Variants in NUDT14 observed in about 807,000 individuals in gnomAD.
The protein encoded by NUDT14 is nudix hydrolase 14.
Under a neutral mutation model 17.5 loss-of-function variants are expected in NUDT14, and 22 were observed. That is an observed-to-expected ratio of 1.26 (90% CI 0.90 to 1.80). The LOEUF (loss-of-function observed/expected upper bound fraction) is 1.80, where lower values mean the gene tolerates loss of function less well. Ranked by LOEUF, NUDT14 falls within the 40% of genes most tolerant of loss-of-function variation. The probability of loss-of-function intolerance (pLI) is 0.00; values close to 1 mark genes in which losing one functional copy is unlikely to be tolerated. For missense variants in NUDT14, 296 were observed against 295.6 expected, an observed-to-expected ratio of 1.00 and a Z score of -0.01; for synonymous variants, 129 against 125.8, an observed-to-expected ratio of 1.03 and a Z score of -0.17.
intron 1 of NUDT14, among the ~76,000 whole-genome samples, chr14:105,178,007 G>A (rs1261259242): frequency 6.6e-6 from 1 of 152,158 alleles, no homozygotes; most frequent in Non-Finnish European, 1.5e-5. Context: ...ATGAAACACT[G>A]CCCAGCACAG....
chr14:105,179,122 G>A (rs1595201705), intron 1 of NUDT14, among the ~76,000 whole-genome samples: 3 of 152,302 alleles, frequency 2.0e-5, no homozygotes, highest in South Asian at 2.1e-4. Context: ...CCCCATGCAG[G>A]TCTCAAGGAC....
chr14:105,179,662 G>T (rs1018384397), intron 1 of NUDT14, among the ~76,000 whole-genome samples: 3 of 152,216 alleles, frequency 2.0e-5, no homozygotes, highest in South Asian at 2.1e-4. Context: ...CATCCCATAT[G>T]GCCAACGTCA....
chr14:105,181,142 A>G lies in NUDT14; in HGVS notation c.68T>C (p.Leu23Pro), dbSNP rs587735173. The change falls in exon 1 of 5, where the codon CTG becomes CCG. Residue 23 changes from leucine (L) to proline (P), a missense_variant. By Grantham distance (98) the Leu-to-Pro change is moderately conservative (BLOSUM62 -3). Coordinates refer to ENST00000392568, the MANE Select transcript of NUDT14 (RefSeq NM_177533.5). The surrounding 1 kb of genome is among the most constrained non-coding windows in gnomAD (Gnocchi z 5.0). Reference protein sequence around the residue: ...AASPYLRPLTLHYRQNGAQKS... With the variant: ...AASPYLRPLTPHYRQNGAQKS... ...GCGCGGGCTCACCTGGCGGTAATGC[A>G]GCGTGAGCGGCCGCAGGTAGGGTGA... 667 of 1,137,426 alleles carry G rather than the reference A, an allele frequency of 5.9e-4. 13 individuals carry two copies. In the South Asian group the frequency reaches 0.016, roughly 27 times the overall value. The allele number at this position is 1,137,426 out of a possible 1,614,324, so 70.5% of individuals were successfully genotyped here. A position where few individuals can be genotyped will look rare whatever the true frequency, so the allele number is the denominator to read the frequency against.
intron 2 of NUDT14, among the ~76,000 whole-genome samples, 169 bp downstream of exon 2, chr14:105,177,523 A>G (rs1354614053): frequency 6.6e-6 from 1 of 152,088 alleles, no homozygotes; most frequent in Non-Finnish European, 1.5e-5. Context: ...CCTCAGGCTG[A>G]CCCCTCAGGG....
Position 105,173,370 on chromosome 14 carries a change from C to T in NUDT14, c.429-109G>A, listed in dbSNP as rs1204237203. ...TCTCCACTCTGCTCCCTCCAGCCCT[C>T]CAGTAGGCAGGACTCTGGGATGCCC... On this transcript the variant is annotated intron_variant, in intron 4 of 4. Transcript: ENST00000392568. This position sits in a 1 kb window ranked among gnomAD's most constrained non-coding sequence, Gnocchi z 4.7. 7.9e-7 allele frequency: 1 copy of T among 1,271,744 alleles called. No homozygotes were observed. 78.8% of individuals were successfully genotyped at this position (1,271,744 alleles called of 1,614,324 possible). A position where few individuals can be genotyped will look rare whatever the true frequency, so the allele number is the denominator to read the frequency against.
At chr14:105,175,889 G>A (rs758886183) in intron 4 of NUDT14, 130 of 1,179,118 alleles carry the variant, frequency 1.1e-4, no homozygotes, top group Non-Finnish European at 1.3e-4. Context: ...TCTGGAGGAG[G>A]CTGTGGAGGC....
In NUDT14 at chr14:105,181,111, G is replaced by C; in HGVS notation, c.81+18C>G. On this transcript the variant is annotated intron_variant, in intron 1 of 4. Coordinates refer to ENST00000392568, the MANE Select transcript of NUDT14 (RefSeq NM_177533.5). The surrounding 1 kb of genome is among the most constrained non-coding windows in gnomAD (Gnocchi z 5.0). ...GGCCGCCGGCGGGGGCGCGGGGGAC[G>C]CGGGGGCGCGGGCTCACCTGGCGGT... 1 of 978,954 alleles carries C rather than the reference G, an allele frequency of 1.0e-6. No individual in the cohort carries two copies. Among genetic ancestry groups the C allele is most frequent in the African/African-American group, 1.8e-5 (1 of 56,736 alleles). 60.6% of individuals were successfully genotyped at this position (978,954 alleles called of 1,614,324 possible).
intron 4 of NUDT14, chr14:105,176,040 C>T (rs370839024): frequency 1.6e-6 from 2 of 1,213,294 alleles, no homozygotes; most frequent in Non-Finnish European, 2.1e-6. Flanking sequence ...AAGGCAACCC[C>T]ACCCCAGCTG....
intron 4 of NUDT14, among the ~76,000 whole-genome samples, chr14:105,174,313 G>A (rs766620105): frequency 2.0e-5 from 3 of 152,082 alleles, no homozygotes; most frequent in Non-Finnish European, 4.4e-5. Flanking sequence ...AGGAGGGGGA[G>A]GGCCAGGTGT....
At position 105,173,040 on chromosome 14, in the gene NUDT14, G is replaced by A. The variant is rs1889136874; in HGVS notation, c.650C>T (p.Pro217Leu). The change falls in exon 5 of 5, where the codon CCC (proline) becomes CTC (leucine). Residue 217 changes from proline (P) to leucine (L), a missense_variant. By Grantham distance (98) the Pro-to-Leu change is moderately conservative. Transcript: ENST00000392568. The surrounding 1 kb of genome is among the most constrained non-coding windows in gnomAD (Gnocchi z 4.7). ...GVSWFLSQVA[P>L]NLDLQ is the part of the protein sequence containing the mutation. Reference sequence around the variant, plus strand: ...GGAGTCTCACTGGAGATCCAGGTTGGGGGCCACCTGGCTGAGGAACCATGA... The same window carrying A: ...GGAGTCTCACTGGAGATCCAGGTTGAGGGCCACCTGGCTGAGGAACCATGA... The A allele has an allele frequency of 1.3e-6, 2 of 1,514,380 alleles. No homozygotes were observed. The highest frequency in any genetic ancestry group is 1.3e-5 in the South Asian group (1 of 75,162). 93.8% of individuals were successfully genotyped at this position (1,514,380 alleles called of 1,614,324 possible).
At chr14:105,175,755 C>A (rs1304332338) in intron 4 of NUDT14, 3 of 1,006,634 alleles carry the variant, frequency 3.0e-6, no homozygotes, top group African/African-American at 3.5e-5. Flanking sequence ...CAGGAACGTG[C>A]CCAGGTGAAG....
chr14:105,178,720 C>A (rs1889269076), intron 1 of NUDT14, among the ~76,000 whole-genome samples: 1 of 152,238 alleles, frequency 6.6e-6, no homozygotes, highest in Admixed American at 6.5e-5. Flanking sequence ...GAGGTCTGAG[C>A]AGCAGAGACA....
chr14:105,181,023 G>GCGGGGCTCCGGGGCGGGGC lies in NUDT14; in HGVS notation c.81+87_81+105dup. On this transcript the variant is annotated intron_variant, in intron 1 of 4. Coordinates refer to ENST00000392568, the MANE Select transcript of NUDT14 (RefSeq NM_177533.5). This position sits in a 1 kb window ranked among gnomAD's most constrained non-coding sequence, Gnocchi z 5.0. The stretch of plus-strand genomic sequence containing the variant: ...CCCGGGAGATCGGCGGGAGGCGGGG[G>GCGGGGCTCCGGGGCGGGGC]CGGGGCTCCGGGGCGGGGCCGGCAG... 3.4e-6 allele frequency: 1 copy of GCGGGGCTCCGGGGCGGGGC among 291,550 alleles called. No individual in the cohort carries two copies. Among genetic ancestry groups the GCGGGGCTCCGGGGCGGGGC allele is most frequent in the South Asian group, 1.2e-4 (1 of 8,304 alleles). 18.1% of individuals were successfully genotyped at this position (291,550 alleles called of 1,614,324 possible). A position where few individuals can be genotyped will look rare whatever the true frequency, so the allele number is the denominator to read the frequency against.
At chr14:105,176,510 G>A in intron 4 of NUDT14, 24 bp downstream of exon 4, 1 of 1,574,248 alleles carries the variant, frequency 6.4e-7, no homozygotes, top group Non-Finnish European at 8.7e-7. Context: ...CACACCACAG[G>A]CCTGAGGGCC....
rs1889209869 is a variant in NUDT14 at position 105,176,276 on chromosome 14, C to T, written c.428+258G>A. The T allele has an allele frequency of 1.0e-5, 6 of 573,348 alleles. No homozygotes were observed. In the South Asian group the frequency reaches 1.2e-4, roughly 12 times the overall value. 35.5% of individuals were successfully genotyped at this position (573,348 alleles called of 1,614,324 possible). The stretch of plus-strand genomic sequence containing the variant: ...AGGAAGTAGAGGCACCTGTCAGCAG[C>T]AGCTGTCACCCGGCCTGCCTCACAC... On this transcript the variant is annotated intron_variant, in intron 4 of 4. Coordinates refer to ENST00000392568, the MANE Select transcript of NUDT14 (RefSeq NM_177533.5).
intron 4 of NUDT14, 200 bp downstream of exon 4, chr14:105,176,334 G>A (rs1319295334): frequency 3.3e-6 from 2 of 612,578 alleles, no homozygotes; most frequent in African/African-American, 1.8e-5. Flanking sequence ...GCATGGGGCC[G>A]AGACGCTGCA....
intron 4 of NUDT14, chr14:105,175,962 G>C: frequency 7.9e-7 from 1 of 1,268,796 alleles, no homozygotes; most frequent in South Asian, 1.3e-5. Context: ...GACCTCAGCT[G>C]GGGTCAGGAG....
chr14:105,177,027 GC>G lies in NUDT14; in HGVS notation c.126-1del. ...AAGAGTTGAATAAGAGAACGGTCAC[GC>G]TGTGTACGGGGGGAGGGGCTCAGCA... On this transcript the variant is annotated splice_acceptor_variant, in intron 2 of 4. Transcript: ENST00000392568. LOFTEE classifies it high-confidence loss of function. The G allele has an allele frequency of 1.2e-6, 2 of 1,611,226 alleles. No homozygotes were observed. Among genetic ancestry groups the G allele is most frequent in the Non-Finnish European group, 1.7e-6 (2 of 1,179,592 alleles).
In NUDT14 at chr14:105,176,953, C is replaced by T. The variant is rs1488028339; in HGVS notation, c.190+10G>A. The T allele has an allele frequency of 6.2e-7, 1 of 1,611,144 alleles. No individual in the cohort carries two copies. Among genetic ancestry groups the T allele is most frequent in the East Asian group, 2.2e-5 (1 of 44,772 alleles). ...CCTGCAGATCCCCTTCCCACCCCAG[C>T]TGGCCTCACCTGGCCGGAACTGCTT... On this transcript the variant is annotated intron_variant, in intron 3 of 4. Transcript: ENST00000392568.
Sources: allele counts gnomAD v4.1 joint callset (sites outside exome capture counted in the v4.1 genomes callset), GRCh38; gene constraint gnomAD v4.1.1; non-coding constraint Gnocchi (gnomAD v3.1); transcripts MANE v1.5; gene names NCBI Gene and HGNC (gene_info 2026-07-23, HGNC 2026-07-21).